Variants in TBXAS1 observed in about 807,000 individuals in gnomAD.
TBXAS1 encodes thromboxane A synthase 1.
Under a neutral mutation model 60.7 loss-of-function variants are expected in TBXAS1, and 48 were observed. The observed-to-expected ratio is 0.79, with a 90% CI of 0.63 to 1.01. The LOEUF (loss-of-function observed/expected upper bound fraction) is 1.01. Among genes scored for constraint, TBXAS1 ranks in the 50% least tolerant of loss-of-function variants. The pLI is 0.00. For missense variants in TBXAS1, 685 were observed against 686.3 expected, an observed-to-expected ratio of 1.00 and a Z score of 0.02; for synonymous variants, 287 against 269.7, an observed-to-expected ratio of 1.06 and a Z score of -0.63.
intron 3 of TBXAS1, among the ~76,000 whole-genome samples, chr7:139,909,984 A>G (rs2117043569): frequency 6.6e-6 from 1 of 151,784 alleles, no homozygotes; most frequent in Non-Finnish European, 1.5e-5. Context: ...GCAGACCCTC[A>G]CCTCCTTTGT....
intron 9 of TBXAS1, among the ~76,000 whole-genome samples, chr7:139,983,409 T>A (rs927809979): frequency 2.6e-4 from 40 of 152,226 alleles, no homozygotes; most frequent in African/African-American, 9.2e-4. Flanking sequence ...GTTATAAAGA[T>A]TCCCTTCTAG....
At chr7:139,830,744 T>G (rs1447892751) in intron 1 of TBXAS1, among the ~76,000 whole-genome samples, 1 of 152,144 alleles carries the variant, frequency 6.6e-6, no homozygotes, top group African/African-American at 2.4e-5. Flanking sequence ...TAATTAACCA[T>G]CTATCATCTA....
At chr7:139,829,510 A>C (rs1299993428) in intron 1 of TBXAS1, 31 bp downstream of exon 1, 1 of 1,601,212 alleles carries the variant, frequency 6.2e-7, no homozygotes, top group Non-Finnish European at 8.5e-7. Context: ...GGACTGTGAC[A>C]GCGTCAGCCG....
In TBXAS1 at chr7:139,896,521, T is replaced by A. The variant is rs1259836263; in HGVS notation, c.237-14704T>A. On this transcript the variant is annotated intron_variant, in intron 3 of 12. Coordinates refer to ENST00000448866, the MANE Select transcript of TBXAS1 (RefSeq NM_001061.7). This position sits in a 1 kb window ranked among gnomAD's most constrained non-coding sequence, Gnocchi z 4.0. Reference sequence around the variant, plus strand: ...CCACAGTGAACTCACAGGGGCTTCCTGGGCTATGGTATTTTACACATTCGT... The same window carrying A: ...CCACAGTGAACTCACAGGGGCTTCCAGGGCTATGGTATTTTACACATTCGT... Among the ~76,000 whole-genome samples, 2 of 152,232 alleles carry A rather than the reference T, an allele frequency of 1.3e-5. No homozygotes were observed. Among genetic ancestry groups the A allele is most frequent in the Admixed American group, 1.3e-4 (2 of 15,284 alleles).
At chr7:139,806,339 T>G (rs1253168027) in intron 4 of TBXAS1, among the ~76,000 whole-genome samples, 2 of 151,934 alleles carry the variant, frequency 1.3e-5, no homozygotes, top group Non-Finnish European at 2.9e-5. Context: ...CTTGGCTCAC[T>G]GCAATCTCCA....
chr7:139,860,939 T>C (rs2116717338), intron 1 of TBXAS1, among the ~76,000 whole-genome samples: 1 of 152,282 alleles, frequency 6.6e-6, no homozygotes, highest in East Asian at 1.9e-4. Context: ...TTTGGGAGGC[T>C]GAGGTGGGCG....
chr7:140,001,584 T>G (rs1813677278), intron 9 of TBXAS1, among the ~76,000 whole-genome samples: 2 of 152,136 alleles, frequency 1.3e-5, no homozygotes, highest in Non-Finnish European at 2.9e-5. Flanking sequence ...AGAGATGGGA[T>G]TTCACCATGT....
intron 11 of TBXAS1, among the ~76,000 whole-genome samples, chr7:140,017,110 G>C (rs762219987): frequency 6.6e-6 from 1 of 152,234 alleles, no homozygotes; most frequent in Non-Finnish European, 1.5e-5. Flanking sequence ...GCAGCTTCCA[G>C]TGGTTCAAGT....
intron 2 of TBXAS1, among the ~76,000 whole-genome samples, chr7:139,873,815 C>T (rs1262380181): frequency 6.6e-6 from 1 of 152,148 alleles, no homozygotes; most frequent in Admixed American, 6.5e-5. Flanking sequence ...CACGGGGACA[C>T]TGACTCCAGA....
At chr7:139,918,058 C>A (rs1327768225) in intron 4 of TBXAS1, among the ~76,000 whole-genome samples, 1 of 152,158 alleles carries the variant, frequency 6.6e-6, no homozygotes, top group Non-Finnish European at 1.5e-5. Flanking sequence ...AGTCCTGATC[C>A]TCCCTGTCTT....
chr7:139,997,977 TG>T (rs1463501759), intron 9 of TBXAS1, among the ~76,000 whole-genome samples: 2 of 152,188 alleles, frequency 1.3e-5, no homozygotes, highest in Non-Finnish European at 2.9e-5. Context: ...ACAACTCAAA[TG>T]TCCATTGACA....
At chr7:139,940,455 C>T (rs1256778530) in intron 5 of TBXAS1, among the ~76,000 whole-genome samples, 1 of 152,110 alleles carries the variant, frequency 6.6e-6, no homozygotes, top group African/African-American at 2.4e-5. Flanking sequence ...TCTATATAGT[C>T]AGAATTTCTA....
intron 8 of TBXAS1, among the ~76,000 whole-genome samples, chr7:139,960,104 C>G (rs1365589838): frequency 6.6e-6 from 1 of 152,212 alleles, no homozygotes; most frequent in African/African-American, 2.4e-5. Flanking sequence ...CTATTACAAC[C>G]CAGCAGGCTG....
At chr7:139,881,462 C>G (rs1009459266) in intron 3 of TBXAS1, among the ~76,000 whole-genome samples, 9 of 152,172 alleles carry the variant, frequency 5.9e-5, no homozygotes, top group South Asian at 2.1e-4. Flanking sequence ...TTTTCCCCCC[C>G]TCCAGGAGGG....
intron 4 of TBXAS1, among the ~76,000 whole-genome samples, chr7:139,802,760 G>T (rs185264727): frequency 6.6e-6 from 1 of 152,268 alleles, no homozygotes; most frequent in Non-Finnish European, 1.5e-5. Flanking sequence ...CTCCAGTCTG[G>T]GTGACAGAGT....
chr7:139,872,839 C>T (rs2046848382), intron 2 of TBXAS1, among the ~76,000 whole-genome samples: 1 of 152,130 alleles, frequency 6.6e-6, no homozygotes, highest in South Asian at 2.1e-4. Context: ...TCTCTTATCA[C>T]TATCAATATG....
rs2117048848 is a variant in TBXAS1, at chr7:139,911,209, T to C, written c.237-16T>C. On this transcript the variant is annotated splice_polypyrimidine_tract_variant and intron_variant, in intron 3 of 12. Transcript: ENST00000448866. Reference sequence around the variant, plus strand: ...GGTAATGCAACACATTTTAATGCATTTTTTATTCCTCCCAGGTACTATCTT... The same window carrying C: ...GGTAATGCAACACATTTTAATGCATCTTTTATTCCTCCCAGGTACTATCTT... The C allele has an allele frequency of 6.2e-7, 1 of 1,612,772 alleles. No individual in the cohort carries two copies. Among genetic ancestry groups the C allele is most frequent in the African/African-American group, 1.3e-5 (1 of 75,008 alleles).
At chr7:139,982,455 G>A (rs1812039594) in intron 9 of TBXAS1, among the ~76,000 whole-genome samples, 2 of 152,184 alleles carry the variant, frequency 1.3e-5, no homozygotes, top group Admixed American at 6.5e-5. Flanking sequence ...TGCAAAGGGG[G>A]AAACTGAGGC....
chr7:139,989,749 G>T (rs1812754198), intron 9 of TBXAS1, among the ~76,000 whole-genome samples: 1 of 152,226 alleles, frequency 6.6e-6, no homozygotes, highest in South Asian at 2.1e-4. Context: ...GCCCATCTCT[G>T]CATTCCTAGC....
Sources: gnomAD v4.1 joint callset for allele counts (sites outside exome capture counted in the v4.1 genomes callset) on GRCh38, gnomAD v4.1.1 for gene constraint, Gnocchi (gnomAD v3.1) non-coding constraint, MANE v1.5 for transcripts, NCBI Gene and HGNC (gene_info 2026-07-23, HGNC 2026-07-21) for gene names.